The following ABCA5 variants were observed in gnomAD, a reference collection of about 807,000 sequenced individuals.
ABCA5 encodes ATP binding cassette subfamily A member 5, also known as cholesterol transporter ABCA5.
A neutral mutation model predicts 206.0 loss-of-function variants in ABCA5; 163 were observed. That is an observed-to-expected ratio of 0.79 (90% CI 0.70 to 0.90). The LOEUF is 0.90. Among genes scored for constraint, ABCA5 ranks in the 40% least tolerant of loss-of-function variants. The pLI, the probability that ABCA5 is intolerant of heterozygous loss-of-function variation, is 0.00. For synonymous variants in ABCA5, 609 were observed against 613.8 expected (o/e 0.99, Z 0.11); for missense variants, 1,859 against 1,912.9 (o/e 0.97, Z 0.53).
At chr17:69,254,605 G>C (rs2144897446) in intron 31 of ABCA5, 115 bp from the exon 32 acceptor site, 1 of 696,234 alleles carries the variant, frequency 1.4e-6, no homozygotes, top group East Asian at 2.9e-5. Context: ...AGTCAGATTT[G>C]TACTCCTTTA....
At chr17:69,261,060 CA>C in intron 26 of ABCA5, 64 bp downstream of exon 26, 2 of 1,369,794 alleles carry the variant, frequency 1.5e-6, no homozygotes, top group South Asian at 2.9e-5. Context: ...CAAGAACTAA[CA>C]TCCCCAAATT....
At chr17:69,306,058 C>A (rs1267524228) in intron 6 of ABCA5, among the ~76,000 whole-genome samples, 1 of 152,128 alleles carries the variant, frequency 6.6e-6, no homozygotes, top group Non-Finnish European at 1.5e-5. Flanking sequence ...ACCTTCCCCC[C>A]AGAATGAACT....
In ABCA5 at chr17:69,287,648, C is replaced by A. The variant is rs201584062; in HGVS notation, c.2006G>T (p.Ser669Ile). 1 of 1,613,818 alleles carries A rather than the reference C, an allele frequency of 6.2e-7. No homozygotes were observed. Among genetic ancestry groups the A allele is most frequent in the Admixed American group, 1.7e-5 (1 of 59,980 alleles). Residue 669 changes from serine (S) to isoleucine (I), a missense_variant, in exon 15 of 39, where the codon AGT becomes ATT. Ser to Ile is a moderately radical substitution (Grantham distance 142, BLOSUM62 -2). Coordinates refer to ENST00000392676, the MANE Select transcript of ABCA5 (RefSeq NM_172232.4). ...GTCAGCTTCATCCATGAAATGAGTA[C>A]TGAACACTGTCACCCGATTGGCTTT... Reference protein sequence around the residue: ...YRKANRVTVFSTHFMDEADIL... With the variant: ...YRKANRVTVFITHFMDEADIL...
At chr17:69,291,113 C>T in intron 12 of ABCA5, 103 bp downstream of exon 12, 2 of 604,342 alleles carry the variant, frequency 3.3e-6, no homozygotes, top group Non-Finnish European at 5.3e-6. Flanking sequence ...AAAGAAAACA[C>T]CTTTACAGAT....
chr17:69,273,380 C>G (rs527557640), intron 20 of ABCA5, among the ~76,000 whole-genome samples: 1 of 151,722 alleles, frequency 6.6e-6, no homozygotes, highest in African/African-American at 2.4e-5. Context: ...ATAAAACATG[C>G]TAGTAAGAAT....
intron 32 of ABCA5, 133 bp downstream of exon 32, chr17:69,254,182 A>G (rs2075049026): frequency 4.2e-6 from 3 of 721,484 alleles, no homozygotes; most frequent in Non-Finnish European, 4.3e-6. Context: ...TATCATAAAG[A>G]ATATATGAAA....
intron 7 of ABCA5, among the ~76,000 whole-genome samples, chr17:69,303,442 T>C (rs147772975): frequency 0.017 from 2,563 of 151,914 alleles, 72 homozygotes; most frequent in African/African-American, 0.057. Context: ...TTAAATACTG[T>C]ATTTTTATCT....
At chr17:69,251,931 T>A in intron 34 of ABCA5, 65 bp from the exon 35 acceptor site, 1 of 1,570,008 alleles carries the variant, frequency 6.4e-7, no homozygotes, top group Non-Finnish European at 8.6e-7. Context: ...AATGGGTTTT[T>A]AAAAATCCAA....
At position 69,298,338 on chromosome 17, in the gene ABCA5, GGAAGGAAGGAAA is replaced by G. The variant is rs2075613909; in HGVS notation, c.1268-991_1268-980del. On this transcript the variant is annotated intron_variant, in intron 9 of 38. Coordinates refer to ENST00000392676, the MANE Select transcript of ABCA5 (RefSeq NM_172232.4). ...AGAGAGGAAGGAAGGAAGGAAGGAA[GGAAGGAAGGAAA>G]GAAGGAAAGAAAGGGCATACAGTGG... 9.3e-5 allele frequency among the ~76,000 whole-genome samples: 14 copies of G among 149,974 alleles called. 1 individual carries two copies. The highest frequency in any genetic ancestry group is 1.0e-4 in the Non-Finnish European group (7 of 67,138).
At position 69,250,536 on chromosome 17, in the gene ABCA5, G is replaced by A; in HGVS notation, c.4621C>T (p.Leu1541=). 1 of 1,604,308 alleles carries A rather than the reference G, an allele frequency of 6.2e-7. No homozygotes were observed. The highest frequency in any genetic ancestry group is 8.5e-7 in the Non-Finnish European group (1 of 1,176,546). The change falls in exon 36 of 39, where the codon CTA becomes TTA. Residue 1541 remains leucine, a synonymous_variant. Transcript: ENST00000392676. ...TCTCTTTGAAGGCGGTCTACTTCTA[G>A]GTTTTCTATCCAGTCCTTCAATTTA... The part of the protein sequence containing the change: ...EIKLKDWIEN[L]EVDRLQREIQ...
Position 69,256,271 on chromosome 17 carries a change from C to A in ABCA5, c.3744G>T (p.Thr1248=). The change falls in exon 29 of 39, where the codon ACG becomes ACT. Residue 1248 remains threonine (T), a synonymous_variant. Coordinates refer to ENST00000392676, the MANE Select transcript of ABCA5 (RefSeq NM_172232.4). ...RKDPFFRNLS[T]KSKNRKLPEP... Reference sequence around the variant, plus strand: ...CTGGAAGCTTCCTATTTTTAGACTTCGTTGAAAGGTTTCTACATATATATA... The same window carrying A: ...CTGGAAGCTTCCTATTTTTAGACTTAGTTGAAAGGTTTCTACATATATATA... 6.3e-7 allele frequency: 1 copy of A among 1,594,268 alleles called. No homozygotes were observed.
At chr17:69,323,076 C>T (rs953771152) in intron 1 of ABCA5, among the ~76,000 whole-genome samples, 2 of 152,090 alleles carry the variant, frequency 1.3e-5, no homozygotes, top group African/African-American at 4.8e-5. Context: ...GGCTTCTAAA[C>T]GTTGTTCGGC....
At chr17:69,282,648 A>C (rs1487738044) in intron 18 of ABCA5, among the ~76,000 whole-genome samples, 2 of 122,466 alleles carry the variant, frequency 1.6e-5, no homozygotes, top group Non-Finnish European at 3.8e-5. Context: ...GGGCGCCTGT[A>C]ATCCCAGCTG....
chr17:69,309,345 A>G lies in ABCA5; in HGVS notation c.386T>C (p.Val129Ala), dbSNP rs2075748197. Reference protein sequence around the residue: ...SLSKPSNFVGVVFKDSMSYEL... With the variant: ...SLSKPSNFVGAVFKDSMSYEL... ...ATAGGACATGGAGTCTTTGAAAACC[A>G]CACCTACAAAGTTGCTCGGCTTAGA... The change falls in exon 4 of 39, where the codon GTG becomes GCG. Residue 129 changes from valine (V) to alanine (A), a missense_variant. By Grantham distance (64) the Val-to-Ala change is moderately conservative. Transcript: ENST00000392676. 4 of 1,607,322 alleles carry G rather than the reference A, an allele frequency of 2.5e-6. No homozygotes were observed. Among genetic ancestry groups the G allele is most frequent in the Non-Finnish European group, 3.4e-6 (4 of 1,177,956 alleles).
At chr17:69,257,013 T>G (rs1196303175) in intron 28 of ABCA5, among the ~76,000 whole-genome samples, 1 of 152,000 alleles carries the variant, frequency 6.6e-6, no homozygotes, top group Non-Finnish European at 1.5e-5. Context: ...ATGAAGTGCT[T>G]GCAAAGGCAA....
chr17:69,294,338 C>T (rs1196337219), intron 11 of ABCA5, among the ~76,000 whole-genome samples: 2 of 151,960 alleles, frequency 1.3e-5, no homozygotes, highest in Admixed American at 6.6e-5. Context: ...GCCTGGCCAA[C>T]TTGGTGAAAC....
intron 3 of ABCA5, 24 bp downstream of exon 3, chr17:69,313,068 A>AAT (rs1555585990): frequency 1.4e-5 from 21 of 1,521,470 alleles, no homozygotes; most frequent in South Asian, 3.7e-5. Flanking sequence ...TTATAAACAG[A>AAT]ATATATATAT....
chr17:69,254,336 T>C lies in ABCA5; in HGVS notation c.4223A>G (p.Asp1408Gly), dbSNP rs753207252. 1.2e-6 allele frequency: 2 copies of C among 1,606,258 alleles called. No individual in the cohort carries two copies. The highest frequency in any genetic ancestry group is 1.7e-4 in the Middle Eastern group (1 of 6,012). ...TTACCGACTTATGACTTCTTTCATG[T>C]CACTTGCACTCATTCCTTTGACAGC... ...YGAVKGMSASDMKEVISRITH... is the reference protein window; with the variant it reads ...YGAVKGMSASGMKEVISRITH... Residue 1408 changes from aspartate to glycine, a missense_variant, in exon 32 of 39, where the codon GAC becomes GGC. By Grantham distance (94) the Asp-to-Gly change is moderately conservative (BLOSUM62 -1). Coordinates refer to ENST00000392676, the MANE Select transcript of ABCA5 (RefSeq NM_172232.4).
intron 23 of ABCA5, among the ~76,000 whole-genome samples, chr17:69,266,810 T>C (rs570945405): frequency 6.7e-4 from 101 of 149,864 alleles, no homozygotes; most frequent in Admixed American, 1.7e-3. Flanking sequence ...AGATATGTGT[T>C]ACTTTTATAG....
Sources: gnomAD v4.1 joint callset for allele counts (sites outside exome capture counted in the v4.1 genomes callset) on GRCh38, gnomAD v4.1.1 for gene constraint, MANE v1.5 for transcripts, NCBI Gene and HGNC (gene_info 2026-07-23, HGNC 2026-07-21) for gene names.